The following HS6ST2 variants were observed in gnomAD, a reference collection of about 807,000 sequenced individuals.
HS6ST2 encodes heparan sulfate 6-O-sulfotransferase 2.
Under a neutral mutation model 33.0 loss-of-function variants are expected in HS6ST2, and 17 were observed. The observed-to-expected ratio is 0.52, with a 90% CI of 0.35 to 0.77. The LOEUF (loss-of-function observed/expected upper bound fraction) is 0.77, where lower values mean the gene tolerates loss of function less well. Among genes scored for constraint, HS6ST2 ranks in the 30% least tolerant of loss-of-function variants. HS6ST2 has a pLI of 0.01. For missense variants in HS6ST2, 519 were observed against 551.7 expected, an observed-to-expected ratio of 0.94 and a Z score of 0.59; for synonymous variants, 248 against 237.1, an observed-to-expected ratio of 1.05 and a Z score of -0.42.
At chrX:132,791,343 A>G (rs2065118409) in intron 2 of HS6ST2, among the ~76,000 whole-genome samples, 2 of 112,003 alleles carry the variant, frequency 1.8e-5, no homozygotes, top group African/African-American at 3.2e-5. Context: ...AATACTTGAT[A>G]TCACAGTCAA....
intron 3 of HS6ST2, 30 bp downstream of exon 3, chrX:132,708,432 C>A: frequency 9.2e-7 from 1 of 1,088,808 alleles, no homozygotes; most frequent in East Asian, 3.4e-5. Context: ...TACTTGGGTT[C>A]AGTCAAACTA....
chrX:132,655,457 T>C (rs1488128847), intron 4 of HS6ST2, among the ~76,000 whole-genome samples: 1 of 112,060 alleles, frequency 8.9e-6, no homozygotes, highest in Non-Finnish European at 1.9e-5. Flanking sequence ...GTCCAGTTAT[T>C]CTCCCCATTT....
chrX:132,750,409 T>TA (rs2064693682), intron 2 of HS6ST2, among the ~76,000 whole-genome samples: 1 of 107,975 alleles, frequency 9.3e-6, no homozygotes, highest in Non-Finnish European at 1.9e-5. Context: ...TGCTGGTCAG[T>TA]ATCACACCAA....
At chrX:132,658,334 A>G (rs778134906) in intron 4 of HS6ST2, among the ~76,000 whole-genome samples, 1 of 112,332 alleles carries the variant, frequency 8.9e-6, no homozygotes, top group Non-Finnish European at 1.9e-5. Flanking sequence ...GGCCTGGTGC[A>G]TAGGAAGCAC....
At chrX:132,930,026 G>A (rs1253458034) in intron 2 of HS6ST2, among the ~76,000 whole-genome samples, 1 of 111,660 alleles carries the variant, frequency 9.0e-6, no homozygotes, top group Non-Finnish European at 1.9e-5. Context: ...ATGAGCCTAA[G>A]ACTCTCTTCC....
chrX:132,667,460 G>A, intron 4 of HS6ST2, among the ~76,000 whole-genome samples: 1 of 111,974 alleles, frequency 8.9e-6, no homozygotes, highest in East Asian at 2.8e-4. Context: ...CCTTAAGAAT[G>A]TATTTATTCA....
chrX:132,900,429 T>A (rs2148460535), intron 2 of HS6ST2, among the ~76,000 whole-genome samples: 1 of 111,658 alleles, frequency 9.0e-6, no homozygotes, highest in South Asian at 3.7e-4. Context: ...AAATCAAAAA[T>A]AATAGGCCAG....
intron 2 of HS6ST2, among the ~76,000 whole-genome samples, chrX:132,911,112 T>C (rs1338233869): frequency 9.6e-6 from 1 of 103,733 alleles, no homozygotes; most frequent in Non-Finnish European, 1.9e-5. Context: ...ATTGCAGCAC[T>C]GCACTCCAGC....
chrX:132,950,742 A>G (rs1330910136), intron 2 of HS6ST2, among the ~76,000 whole-genome samples: 1 of 111,879 alleles, frequency 8.9e-6, no homozygotes, highest in Non-Finnish European at 1.9e-5. Flanking sequence ...AAAGATTTCA[A>G]CTTTGTGTCT....
chrX:132,793,462 A>G (rs1392425543), intron 2 of HS6ST2, among the ~76,000 whole-genome samples: 3 of 111,260 alleles, frequency 2.7e-5, no homozygotes, highest in Non-Finnish European at 5.7e-5. Context: ...ACTGAAAGAG[A>G]GAGAGATGAG....
intron 2 of HS6ST2, among the ~76,000 whole-genome samples, chrX:132,952,028 C>T (rs768778047): frequency 8.9e-6 from 1 of 111,856 alleles, no homozygotes; most frequent in East Asian, 2.8e-4. Context: ...CAGAAAAAAA[C>T]GGATGGCTAT....
intron 2 of HS6ST2, among the ~76,000 whole-genome samples, chrX:132,872,507 A>G (rs894634349): frequency 8.9e-6 from 1 of 111,946 alleles, no homozygotes; most frequent in African/African-American, 3.2e-5. Context: ...GAGTCACTAG[A>G]ACCAATATGC....
rs745516605 is a variant in HS6ST2, at chrX:132,939,088, G to A, written c.947+17720C>T. ...GCTAGACTCTTTTAAGCAAACAGAT[G>A]TCATGTGACCTCATTATCACAGGGA... On this transcript the variant is annotated intron_variant, in intron 2 of 4. Coordinates refer to ENST00000370833, the MANE Select transcript of HS6ST2 (RefSeq NM_001394073.1). Among the ~76,000 whole-genome samples, 12 of 110,945 alleles carry A rather than the reference G, an allele frequency of 1.1e-4. No individual in the cohort carries two copies. The South Asian group carries it at 4.6e-3, about 43-fold the overall frequency.
intron 3 of HS6ST2, among the ~76,000 whole-genome samples, chrX:132,671,844 A>T (rs766351752): frequency 8.9e-6 from 1 of 112,157 alleles, no homozygotes; most frequent in Non-Finnish European, 1.9e-5. Flanking sequence ...CAAATAACAG[A>T]TCCATTAACA....
At chrX:132,679,112 C>T (rs909793297) in intron 3 of HS6ST2, among the ~76,000 whole-genome samples, 3 of 112,176 alleles carry the variant, frequency 2.7e-5, no homozygotes, top group Non-Finnish European at 5.6e-5. Flanking sequence ...TAGCATATAG[C>T]AGACAGGGCC....
At chrX:132,950,603 C>G (rs956137411) in intron 2 of HS6ST2, among the ~76,000 whole-genome samples, 1 of 111,573 alleles carries the variant, frequency 9.0e-6, no homozygotes, top group African/African-American at 3.3e-5. Context: ...TTTAAATGTG[C>G]ATTTCTTTAG....
intron 2 of HS6ST2, among the ~76,000 whole-genome samples, chrX:132,856,338 G>A (rs1026549881): frequency 6.3e-5 from 7 of 111,919 alleles, no homozygotes; most frequent in African/African-American, 2.3e-4. Context: ...TAATTTATAA[G>A]TTAAACTTTA....
At chrX:132,814,469 T>C (rs1281605242) in intron 2 of HS6ST2, among the ~76,000 whole-genome samples, 2 of 112,288 alleles carry the variant, frequency 1.8e-5, no homozygotes, top group African/African-American at 6.5e-5. Flanking sequence ...CCCATACATA[T>C]CTAGTACTTG....
Position 132,958,282 on chromosome X carries a change from C to A in HS6ST2, c.321G>T (p.Leu107=), listed in dbSNP as rs201640022. 1.2e-3 allele frequency: 1,396 copies of A among 1,190,796 alleles called. 8 individuals are homozygous for A. The African/African-American group carries it at 0.021, about 18-fold the overall frequency. Residue 107 remains leucine, a synonymous_variant, in exon 1 of 5, where the codon CTG becomes CTT. Transcript: ENST00000370833. The part of the protein sequence containing the change: ...RMHVLRRRWD[L]GSLCRALLTR... Reference sequence around the variant, plus strand: ...TGAGCAGGGCCCGGCAGAGGGAGCCCAGGTCCCAGCGTCGCCTGAGGACGT... The same window carrying A: ...TGAGCAGGGCCCGGCAGAGGGAGCCAAGGTCCCAGCGTCGCCTGAGGACGT...
Sources: gnomAD v4.1 joint callset for allele counts (sites outside exome capture counted in the v4.1 genomes callset) on GRCh38, gnomAD v4.1.1 for gene constraint, MANE v1.5 for transcripts, NCBI Gene and HGNC (gene_info 2026-07-23, HGNC 2026-07-21) for gene names.